Variants in SURF4 observed in about 807,000 individuals in gnomAD.
SURF4 encodes surfeit 4, also known as surfeit locus protein 4.
A neutral mutation model predicts 30.0 loss-of-function variants in SURF4; 3 were observed. That is an observed-to-expected ratio of 0.10 (90% confidence interval 0.05 to 0.26). The LOEUF (loss-of-function observed/expected upper bound fraction) is 0.26, where lower values mean the gene tolerates loss of function less well. SURF4 is among the 10% of genes least tolerant of loss of function. The pLI is 1.00. For synonymous variants in SURF4, 143 were observed against 139.9 expected, an observed-to-expected ratio of 1.02 and a Z score of -0.16; for missense variants, 217 against 350.8, an observed-to-expected ratio of 0.62 and a Z score of 3.05.
intron 1 of SURF4, among the ~76,000 whole-genome samples, chr9:133,369,278 C>T (rs1053786686): frequency 1.7e-4 from 26 of 152,266 alleles, no homozygotes; most frequent in Non-Finnish European, 5.9e-5. Context: ...TCACAGTGAC[C>T]GACAGATACC....
chr9:133,377,710 G>T (rs929096938), upstream of SURF4, among the ~76,000 whole-genome samples: 1 of 152,082 alleles, frequency 6.6e-6, no homozygotes, highest in Non-Finnish European at 1.5e-5. Flanking sequence ...TGGCACAAGG[G>T]ACCAGTTTTG....
At chr9:133,372,030 T>C (rs1837536776) in intron 1 of SURF4, among the ~76,000 whole-genome samples, 1 of 152,246 alleles carries the variant, frequency 6.6e-6, no homozygotes, top group Non-Finnish European at 1.5e-5. Flanking sequence ...AGAAGCTACA[T>C]TTTACAGAGT....
chr9:133,373,364 C>T (rs1052244548), intron 1 of SURF4, among the ~76,000 whole-genome samples: 1 of 152,028 alleles, frequency 6.6e-6, no homozygotes, highest in Non-Finnish European at 1.5e-5. Flanking sequence ...TTTAGGAGGC[C>T]AAGGCGGATC....
At chr9:133,372,041 G>T (rs1404214152) in intron 1 of SURF4, among the ~76,000 whole-genome samples, 2 of 152,360 alleles carry the variant, frequency 1.3e-5, no homozygotes, top group South Asian at 4.1e-4. Context: ...TTTACAGAGT[G>T]TCTAATAGGC....
At chr9:133,369,864 G>C (rs984333965) in intron 1 of SURF4, among the ~76,000 whole-genome samples, 1 of 151,594 alleles carries the variant, frequency 6.6e-6, no homozygotes, top group South Asian at 2.1e-4. Context: ...CAACCACTGG[G>C]AAGGAAGAGC....
At chr9:133,375,448 CG>C (rs1396448766) in intron 1 of SURF4, 65 of 983,272 alleles carry the variant, frequency 6.6e-5, no homozygotes, top group Non-Finnish European at 7.9e-5. Context: ...CACGCCAGCG[CG>C]CCCCCTTTCC....
chr9:133,375,331 G>C (rs959456780), intron 1 of SURF4: 4 of 983,388 alleles, frequency 4.1e-6, no homozygotes, highest in Non-Finnish European at 4.8e-6. Flanking sequence ...CCAGGGCAGA[G>C]TCCAAACGGG....
At chr9:133,368,837 G>C (rs1837335914) in intron 1 of SURF4, among the ~76,000 whole-genome samples, 1 of 152,148 alleles carries the variant, frequency 6.6e-6, no homozygotes, top group African/African-American at 2.4e-5. Context: ...TTCGGAGAAA[G>C]ATCAGGGGAC....
In SURF4 at chr9:133,362,176, C is replaced by T. The variant is rs1211685842; in HGVS notation, c.*1317G>A. 6.6e-6 allele frequency: 1 copy of T among 152,206 alleles called. No individual in the cohort carries two copies. The highest frequency in any genetic ancestry group is 1.5e-5 in the Non-Finnish European group (1 of 68,066). 9.4% of individuals were successfully genotyped at this position (152,206 alleles called of 1,614,324 possible). ...GGCCAAGAGGGAGGCAGGCTCGGGG[C>T]TGGGCCGCAGCAGCCCTGGAGACAG... is the stretch of plus-strand genomic sequence containing the variant. On this transcript the variant is annotated 3_prime_UTR_variant, in exon 6 of 6. Transcript: ENST00000371989.
At position 133,375,934 on chromosome 9, in the gene SURF4, G is replaced by C. The variant is rs1837891615; in HGVS notation, c.36C>G (p.Asp12Glu). 5 of 1,231,912 alleles carry C rather than the reference G, an allele frequency of 4.1e-6. No individual in the cohort carries two copies. The Admixed American group carries it at 1.3e-4, about 31-fold the overall frequency. 76.3% of individuals were successfully genotyped at this position (1,231,912 alleles called of 1,614,324 possible). A position where few individuals can be genotyped will look rare whatever the true frequency, so the allele number is the denominator to read the frequency against. The change falls in exon 1 of 6, where the codon GAC (aspartate) becomes GAG (glutamate). Residue 12 changes from aspartate to glutamate, a missense_variant. Coordinates refer to ENST00000371989, the MANE Select transcript of SURF4 (RefSeq NM_033161.4). ...GQNDLMGTAEDFADQFLRVTK... is the reference protein window; with the variant it reads ...GQNDLMGTAEEFADQFLRVTK... ...CCGCAGGCCGCACCTGGTCGGCGAA[G>C]TCCTCGGCCGTGCCCATCAGGTCGT...
At chr9:133,367,110 C>T in intron 2 of SURF4, 149 bp downstream of exon 2, 1 of 1,081,292 alleles carries the variant, frequency 9.2e-7, no homozygotes. Flanking sequence ...GAACCGGACT[C>T]CTGGCCTGGC....
chr9:133,377,333 C>G (rs1838004416), upstream of SURF4, among the ~76,000 whole-genome samples: 1 of 152,176 alleles, frequency 6.6e-6, no homozygotes. Context: ...CTTGAACGCT[C>G]TCACACCAGC....
At chr9:133,366,769 C>A in intron 2 of SURF4, 94 bp from the exon 3 acceptor site, 2 of 1,148,278 alleles carry the variant, frequency 1.7e-6, no homozygotes, top group African/African-American at 1.5e-5. Context: ...CCCTTAGGTC[C>A]AGAGGCAGCC....
intron 1 of SURF4, among the ~76,000 whole-genome samples, chr9:133,373,781 G>T (rs2130213441): frequency 3.3e-5 from 5 of 151,274 alleles, no homozygotes; most frequent in African/African-American, 1.2e-4. Flanking sequence ...TTAGCTGGGC[G>T]TGGTGGCAGG....
chr9:133,363,776 G>A lies in SURF4; in HGVS notation c.544-17C>T, dbSNP rs2130092541. The A allele has an allele frequency of 8.7e-6, 14 of 1,613,148 alleles. No homozygotes were observed. The highest frequency in any genetic ancestry group is 4.0e-5 in the African/African-American group (3 of 74,882). On this transcript the variant is annotated splice_polypyrimidine_tract_variant and intron_variant, in intron 5 of 5. Coordinates refer to ENST00000371989, the MANE Select transcript of SURF4 (RefSeq NM_033161.4). The surrounding 1 kb of genome is among the most constrained non-coding windows in gnomAD (Gnocchi z 4.3). ...CTGGACAATCTGCATAGGTTGAAACGTAAGAAATTCAAAATAAATGTGAGG... is the reference window on the plus strand; with the variant it reads ...CTGGACAATCTGCATAGGTTGAAACATAAGAAATTCAAAATAAATGTGAGG...
Position 133,363,620 on chromosome 9 carries a change from T to C in SURF4, c.683A>G (p.Tyr228Cys). Residue 228 changes from tyrosine to cysteine, a missense_variant, in exon 6 of 6, where the codon TAC becomes TGC. Tyr to Cys is a radical substitution (Grantham distance 194, BLOSUM62 -2). Transcript: ENST00000371989. The surrounding 1 kb of genome is among the most constrained non-coding windows in gnomAD (Gnocchi z 4.3). Reference protein sequence around the residue: ...YFNAFWTIPVYKPMHDFLKYD... With the variant: ...YFNAFWTIPVCKPMHDFLKYD... ...TTTCAGGAAGTCATGCATGGGCTTGTAGACTGGAATGGTCCAGAAGGCGTT... is the reference window on the plus strand; with the variant it reads ...TTTCAGGAAGTCATGCATGGGCTTGCAGACTGGAATGGTCCAGAAGGCGTT... 1 of 1,614,140 alleles carries C rather than the reference T, an allele frequency of 6.2e-7. No individual in the cohort carries two copies. Among genetic ancestry groups the C allele is most frequent in the Non-Finnish European group, 8.5e-7 (1 of 1,180,026 alleles).
chr9:133,366,053 C>G (rs2130123087), intron 3 of SURF4, 25 bp from the exon 4 acceptor site: 25 of 1,613,054 alleles, frequency 1.5e-5, no homozygotes, highest in Non-Finnish European at 2.0e-5. Context: ...GAGAGAGATA[C>G]TTGAGTCTCA....
chr9:133,370,908 G>A (rs2130184503), intron 1 of SURF4: 8 of 1,289,730 alleles, frequency 6.2e-6, no homozygotes, highest in African/African-American at 1.5e-5. Flanking sequence ...AAGTCTCTCC[G>A]AGAACCGCGC....
intron 1 of SURF4, chr9:133,371,166 A>G: frequency 3.1e-6 from 3 of 983,042 alleles, no homozygotes; most frequent in Non-Finnish European, 2.4e-6. Flanking sequence ...AATTGAGGAA[A>G]GCAGCTTGCA....
Sources: allele counts gnomAD v4.1 joint callset (sites outside exome capture counted in the v4.1 genomes callset), GRCh38; gene constraint gnomAD v4.1.1; non-coding constraint Gnocchi (gnomAD v3.1); transcripts MANE v1.5; gene names NCBI Gene and HGNC (gene_info 2026-07-23, HGNC 2026-07-21).